Variants in DYM observed in about 807,000 individuals in gnomAD.
DYM encodes dyggve-Melchior-Clausen syndrome protein.
Under a neutral mutation model 93.1 loss-of-function variants are expected in DYM, and 78 were observed. The observed-to-expected ratio is 0.84, with a 90% confidence interval of 0.70 to 1.01. The LOEUF (loss-of-function observed/expected upper bound fraction) is 1.01, where lower values mean the gene tolerates loss of function less well. Ranked by LOEUF, DYM falls within the 50% of genes least tolerant of loss-of-function variation. The pLI is 0.00. For missense variants in DYM, 789 were observed against 845.0 expected, an observed-to-expected ratio of 0.93 and a Z score of 0.82; for synonymous variants, 321 against 319.7, an observed-to-expected ratio of 1.00 and a Z score of -0.04.
At chr18:49,090,193 T>C (rs1385577392) in intron 17 of DYM, among the ~76,000 whole-genome samples, 2 of 152,218 alleles carry the variant, frequency 1.3e-5, no homozygotes, top group Non-Finnish European at 2.9e-5. Context: ...TTTGTCTTTA[T>C]TGGACAAGAA....
chr18:49,438,131 A>G (rs2081021225), intron 1 of DYM, among the ~76,000 whole-genome samples: 1 of 152,232 alleles, frequency 6.6e-6, no homozygotes, highest in African/African-American at 2.4e-5. Context: ...CCACGTCTAC[A>G]CCACTGCACT....
At chr18:49,163,596 G>A (rs565100043) in intron 15 of DYM, 89 bp downstream of exon 15, 14 of 816,808 alleles carry the variant, frequency 1.7e-5, no homozygotes, top group African/African-American at 5.1e-5. Flanking sequence ...CATCTGCCTC[G>A]GCCTCCCAAA....
intron 2 of DYM, among the ~76,000 whole-genome samples, chr18:49,407,383 A>G (rs558370447): frequency 6.6e-6 from 1 of 152,334 alleles, no homozygotes; most frequent in African/African-American, 2.4e-5. Flanking sequence ...AGCCTGAGTA[A>G]TTTATAAAGA....
intron 14 of DYM, among the ~76,000 whole-genome samples, chr18:49,188,303 G>A (rs1424670652): frequency 1.3e-5 from 2 of 152,106 alleles, no homozygotes; most frequent in East Asian, 3.9e-4. Flanking sequence ...TTCATCCAGG[G>A]GGTCCTGGTT....
chr18:49,207,203 G>T (rs957534137), intron 14 of DYM, among the ~76,000 whole-genome samples: 4 of 152,194 alleles, frequency 2.6e-5, no homozygotes, highest in Non-Finnish European at 4.4e-5. Flanking sequence ...CATGACGAAT[G>T]CTAAAATCTG....
At chr18:49,209,464 T>G in intron 14 of DYM, 87 bp downstream of exon 14, 1 of 871,120 alleles carries the variant, frequency 1.1e-6, no homozygotes, top group Non-Finnish European at 1.4e-6. Flanking sequence ...TTTAATAATT[T>G]AATTGACACA....
intron 2 of DYM, among the ~76,000 whole-genome samples, chr18:49,399,771 G>C (rs1167295288): frequency 6.6e-6 from 1 of 151,978 alleles, no homozygotes; most frequent in Non-Finnish European, 1.5e-5. Context: ...CAGGCAGTTA[G>C]GCACTGTCAG....
chr18:49,273,816 C>CT (rs35929710), intron 10 of DYM, among the ~76,000 whole-genome samples: 23,192 of 137,188 alleles, frequency 0.17, 2,522 homozygotes, highest in East Asian at 0.33. Flanking sequence ...TATTTTATGC[C>CT]TTTTTTTTTT....
Position 49,286,592 on chromosome 18 carries a change from A to G in DYM, c.788T>C (p.Leu263Pro). The change falls in exon 9 of 18, where the codon CTA (leucine) becomes CCA (proline). Residue 263 changes from leucine (L) to proline (P), a missense_variant. Coordinates refer to ENST00000675505, the MANE Select transcript of DYM (RefSeq NM_001353214.3). Reference sequence around the variant, plus strand: ...AGCCGCTTTGCTGCCCACACCACCTAGTGTGAAGACAGTCCAGAGTCCTGC... The same window carrying G: ...AGCCGCTTTGCTGCCCACACCACCTGGTGTGAAGACAGTCCAGAGTCCTGC... ...VATGLWTVFT[L>P]GGVGSKAAAS... is the part of the protein sequence containing the mutation. 1 of 1,614,014 alleles carries G rather than the reference A, an allele frequency of 6.2e-7. No homozygotes were observed. Among genetic ancestry groups the G allele is most frequent in the African/African-American group, 1.3e-5 (1 of 75,042 alleles).
chr18:49,190,948 T>TGTTAATACA (rs1442339322), intron 14 of DYM, among the ~76,000 whole-genome samples: 1 of 152,198 alleles, frequency 6.6e-6, no homozygotes, highest in Non-Finnish European at 1.5e-5. Flanking sequence ...ACAAAATATA[T>TGTTAATACA]GTTAATCAAC....
At chr18:49,221,634 T>A (rs933274023) in intron 13 of DYM, among the ~76,000 whole-genome samples, 1 of 152,178 alleles carries the variant, frequency 6.6e-6, no homozygotes, top group African/African-American at 2.4e-5. Context: ...GAAATCATCA[T>A]TCTCAGTAAA....
chr18:49,292,974 C>G (rs890418233), intron 8 of DYM, among the ~76,000 whole-genome samples: 2 of 152,058 alleles, frequency 1.3e-5, no homozygotes, highest in African/African-American at 4.8e-5. Context: ...ATCCCCTCCT[C>G]TAGCCCCTTA....
chr18:49,164,185 T>C (rs2087570570), intron 14 of DYM, among the ~76,000 whole-genome samples: 1 of 152,196 alleles, frequency 6.6e-6, no homozygotes, highest in African/African-American at 2.4e-5. Flanking sequence ...TTGGACAAGA[T>C]TATTTCTCTA....
intron 1 of DYM, chr18:49,431,693 G>A (rs1007160068): frequency 6.6e-6 from 1 of 152,180 alleles, no homozygotes; most frequent in South Asian, 2.1e-4. Flanking sequence ...GCTCAGGTCA[G>A]GTGAGAATGT....
At chr18:49,201,328 A>G (rs113870958) in intron 14 of DYM, among the ~76,000 whole-genome samples, 1 of 151,602 alleles carries the variant, frequency 6.6e-6, no homozygotes, top group Admixed American at 6.6e-5. Context: ...TTTTTTTTTC[A>G]AAGTTCACCT....
chr18:49,100,243 G>A (rs538129335), intron 16 of DYM, among the ~76,000 whole-genome samples: 3 of 152,186 alleles, frequency 2.0e-5, no homozygotes, highest in African/African-American at 7.2e-5. Context: ...AACTGTTAGT[G>A]CAATCTCTGG....
intron 8 of DYM, among the ~76,000 whole-genome samples, chr18:49,300,532 G>A (rs73443886): frequency 0.025 from 3,806 of 151,826 alleles, 150 homozygotes; most frequent in African/African-American, 0.086. Context: ...CCTGGGAAGC[G>A]GAAATTAGAG....
intron 8 of DYM, among the ~76,000 whole-genome samples, chr18:49,321,631 T>C (rs2062486356): frequency 6.6e-6 from 1 of 152,184 alleles, no homozygotes; most frequent in Non-Finnish European, 1.5e-5. Flanking sequence ...CTAAATATAG[T>C]TCTTTTGCAT....
intron 17 of DYM, among the ~76,000 whole-genome samples, chr18:49,067,419 G>A (rs140659878): frequency 0.075 from 7,407 of 98,796 alleles, 25 homozygotes; most frequent in Non-Finnish European, 0.086. Context: ...TGTTATGGAG[G>A]TTCAGTAGAG....
Sources: allele counts gnomAD v4.1 joint callset (sites outside exome capture counted in the v4.1 genomes callset), GRCh38; gene constraint gnomAD v4.1.1; transcripts MANE v1.5; gene names NCBI Gene and HGNC (gene_info 2026-07-23, HGNC 2026-07-21).